The following TSHZ3 variants were observed in gnomAD, a reference collection of about 807,000 sequenced individuals.
TSHZ3 encodes teashirt homolog 3.
A neutral mutation model predicts 64.5 loss-of-function variants in TSHZ3; 10 were observed. The observed-to-expected ratio is 0.16, with a 90% confidence interval of 0.10 to 0.26. The LOEUF (loss-of-function observed/expected upper bound fraction) is 0.26. TSHZ3 is among the 10% of genes least tolerant of loss of function. The pLI is 1.00. For missense variants in TSHZ3, 1,242 were observed against 1,421.7 expected (o/e 0.87, Z 2.03); for synonymous variants, 608 against 593.1 (o/e 1.03, Z -0.36).
At chr19:31,331,823 C>T (rs891030037) in intron 1 of TSHZ3, among the ~76,000 whole-genome samples, 1 of 152,176 alleles carries the variant, frequency 6.6e-6, no homozygotes, top group African/African-American at 2.4e-5. Context: ...GCTGCACCTT[C>T]GTAAGGAGGG....
intron 1 of TSHZ3, among the ~76,000 whole-genome samples, chr19:31,298,736 G>A (rs1366338357): frequency 6.6e-6 from 1 of 152,144 alleles, no homozygotes; most frequent in Admixed American, 6.5e-5. Flanking sequence ...GACGCTTAGA[G>A]AGACAGAGAA....
chr19:31,288,043 TCC>T (rs1976494349), intron 1 of TSHZ3, among the ~76,000 whole-genome samples: 1 of 152,154 alleles, frequency 6.6e-6, no homozygotes, highest in Non-Finnish European at 1.5e-5. Context: ...CAGGCCATCC[TCC>T]CACCTCAGCC....
intron 5 of TSHZ3, among the ~76,000 whole-genome samples, chr19:31,163,506 C>T (rs137904937): frequency 0.026 from 3,994 of 152,064 alleles, 158 homozygotes; most frequent in African/African-American, 0.088. Context: ...CCGAGGTGGG[C>T]GGATCACTTG....
exon 7 of TSHZ3, among the ~76,000 whole-genome samples, chr19:31,150,589 G>GC (rs200058776): frequency 0.012 from 1,868 of 152,298 alleles, 39 homozygotes; most frequent in African/African-American, 0.043. Flanking sequence ...GGAGATGGCT[G>GC]CCCCACTACG....
intron 1 of TSHZ3, among the ~76,000 whole-genome samples, chr19:31,347,193 A>T (rs1402203584): frequency 3.0e-5 from 1 of 33,642 alleles, no homozygotes; most frequent in Non-Finnish European, 6.7e-5. Flanking sequence ...GCTTTCTTTA[A>T]AAAAAAAAAA....
chr19:31,258,616 T>C (rs1224127994), intron 1 of TSHZ3, among the ~76,000 whole-genome samples: 2 of 152,232 alleles, frequency 1.3e-5, no homozygotes, highest in African/African-American at 4.8e-5. Context: ...AGGACAGGGA[T>C]TCGGTCATAC....
chr19:31,221,699 T>A (rs995514339), intron 4 of TSHZ3, among the ~76,000 whole-genome samples: 1 of 152,218 alleles, frequency 6.6e-6, no homozygotes, highest in Non-Finnish European at 1.5e-5. Flanking sequence ...TAACACAAAA[T>A]GGTGGCCTGT....
chr19:31,257,720 G>A (rs555884535), intron 1 of TSHZ3, among the ~76,000 whole-genome samples: 1 of 152,294 alleles, frequency 6.6e-6, no homozygotes, highest in Admixed American at 6.5e-5. Flanking sequence ...AGACGCGAGG[G>A]GCTTGTCCCT....
intron 1 of TSHZ3, among the ~76,000 whole-genome samples, chr19:31,303,746 C>T (rs147357056): frequency 6.6e-6 from 1 of 152,174 alleles, no homozygotes; most frequent in Non-Finnish European, 1.5e-5. Context: ...AAAGATGGCA[C>T]CCGCTGGCTG....
At chr19:31,333,462 T>C (rs1917155569) in intron 1 of TSHZ3, among the ~76,000 whole-genome samples, 1 of 151,958 alleles carries the variant, frequency 6.6e-6, no homozygotes, top group South Asian at 2.1e-4. Context: ...GATCGGCCCT[T>C]TTCACCCGCA....
At position 31,277,634 on chromosome 19, in the gene TSHZ3, T is replaced by C; in HGVS notation, c.2159A>G (p.Asn720Ser). 6.4e-7 allele frequency: 1 copy of C among 1,554,752 alleles called. No individual in the cohort carries two copies. The highest frequency in any genetic ancestry group is 8.7e-7 in the Non-Finnish European group (1 of 1,151,822). Residue 720 changes from asparagine (N) to serine (S), a missense_variant, in exon 2 of 2, where the codon AAC becomes AGC. This residue lies in a region of TSHZ3 where 550 missense variants were observed against 545.1 expected (regional missense o/e 1.01). Transcript: ENST00000240587. The surrounding 1 kb of genome is among the most constrained non-coding windows in gnomAD (Gnocchi z 4.5). Reference protein sequence around the residue: ...TDHPPEQPFVNPLSALQSVMN... With the variant: ...TDHPPEQPFVSPLSALQSVMN... ...GACTGACTGCAGGGCGCTCAAAGGG[T>C]TAACAAAAGGCTGTTCAGGCGGGTG...
intron 1 of TSHZ3, among the ~76,000 whole-genome samples, chr19:31,302,846 C>A (rs1232789601): frequency 6.6e-6 from 1 of 152,132 alleles, no homozygotes; most frequent in African/African-American, 2.4e-5. Flanking sequence ...GGGTCTAGCT[C>A]AATAAGGCCA....
chr19:31,200,008 A>G (rs1975055222), intron 5 of TSHZ3, among the ~76,000 whole-genome samples: 1 of 151,872 alleles, frequency 6.6e-6, no homozygotes, highest in Admixed American at 6.6e-5. Context: ...AAATTGGAGC[A>G]GCAATTACAT....
intron 1 of TSHZ3, among the ~76,000 whole-genome samples, chr19:31,319,493 T>C (rs560247567): frequency 6.6e-6 from 1 of 152,166 alleles, no homozygotes; most frequent in South Asian, 2.1e-4. Context: ...AAGGTGAGCA[T>C]ATCCAGGTCT....
At chr19:31,254,001 T>C (rs1489911554) in intron 1 of TSHZ3, among the ~76,000 whole-genome samples, 1 of 152,084 alleles carries the variant, frequency 6.6e-6, no homozygotes, top group Admixed American at 6.5e-5. Context: ...CTCCTGCTCT[T>C]GTCTGAACAC....
chr19:31,155,695 C>T (rs557150303), intron 6 of TSHZ3, among the ~76,000 whole-genome samples: 1 of 152,286 alleles, frequency 6.6e-6, no homozygotes, highest in African/African-American at 2.4e-5. Flanking sequence ...AGACACACAC[C>T]CAAGTTCTCG....
Position 31,276,425 on chromosome 19 carries a change from G to A in TSHZ3, c.*122C>T. On this transcript the variant is annotated 3_prime_UTR_variant, in exon 2 of 2. Transcript: ENST00000240587. ...CAGTTATACAAAACAGTCCAGCCCA[G>A]AGTGATTCTCTGCAGTTAAAATAAG... The A allele has an allele frequency of 1.1e-6, 1 of 944,590 alleles. No individual in the cohort carries two copies. Among genetic ancestry groups the A allele is most frequent in the Non-Finnish European group, 1.6e-6 (1 of 620,890 alleles). The allele number at this position is 944,590 out of a possible 1,614,324, so 58.5% of individuals were successfully genotyped here.
At chr19:31,347,068 T>G (rs1302018620) in intron 1 of TSHZ3, among the ~76,000 whole-genome samples, 1 of 152,050 alleles carries the variant, frequency 6.6e-6, no homozygotes, top group Non-Finnish European at 1.5e-5. Flanking sequence ...TGAAACAAAG[T>G]CGTTTTGACG....
rs190859046 is a variant in TSHZ3, at chr19:31,268,152, C to T, written n.64-25277G>A. 3.8e-4 allele frequency among the ~76,000 whole-genome samples: 58 copies of T among 152,270 alleles called. 1 individual carries two copies. Among genetic ancestry groups the T allele is most frequent in the Admixed American group, 1.3e-4 (2 of 15,302 alleles). ...GTCTTGCCTGCCACCATGTAAGATG[C>T]GCCTTTGCTCTTTCTTCATCTTCCT... On this transcript the variant is annotated intron_variant and non_coding_transcript_variant, in intron 1 of 6. Coordinates refer to the TSHZ3 transcript ENST00000651361.
Sources: gnomAD v4.1 joint callset for allele counts (sites outside exome capture counted in the v4.1 genomes callset) on GRCh38, gnomAD v4.1.1 for gene constraint, gnomAD v4.1.1 regional missense constraint, Gnocchi (gnomAD v3.1) non-coding constraint, MANE v1.5 for transcripts, NCBI Gene and HGNC (gene_info 2026-07-23, HGNC 2026-07-21) for gene names.